SLC9A9: variants seen among roughly 807,000 people sequenced by gnomAD.
The protein encoded by SLC9A9 is solute carrier family 9 member A9.
A neutral mutation model predicts 77.8 loss-of-function variants in SLC9A9; 62 were observed. That is an observed-to-expected ratio of 0.80 (90% CI 0.65 to 0.98). The LOEUF (loss-of-function observed/expected upper bound fraction) is 0.98. Ranked by LOEUF, SLC9A9 falls within the 50% of genes least tolerant of loss-of-function variation. The probability of loss-of-function intolerance (pLI) is 0.00; values close to 1 mark genes in which losing one functional copy is unlikely to be tolerated. For synonymous variants in SLC9A9, 320 were observed against 283.5 expected, an observed-to-expected ratio of 1.13 and a Z score of -1.29; for missense variants, 775 against 774.9, an observed-to-expected ratio of 1.00 and a Z score of 0.00.
intron 6 of SLC9A9, among the ~76,000 whole-genome samples, chr3:143,597,202 G>T (rs1001886681): frequency 2.6e-5 from 4 of 152,200 alleles, no homozygotes; most frequent in Non-Finnish European, 4.4e-5. Context: ...GCCTGTTCGT[G>T]TAAGTTCATG....
At chr3:143,396,640 G>C (rs1239883204) in intron 12 of SLC9A9, among the ~76,000 whole-genome samples, 1 of 152,150 alleles carries the variant, frequency 6.6e-6, no homozygotes, top group Admixed American at 6.5e-5. Context: ...CTAGCCCCTA[G>C]AAAATGCTTA....
intron 14 of SLC9A9, among the ~76,000 whole-genome samples, chr3:143,298,303 GCC>G (rs2030367096): frequency 6.6e-6 from 1 of 152,190 alleles, no homozygotes; most frequent in Non-Finnish European, 1.5e-5. Flanking sequence ...CTGCAACCTA[GCC>G]CATGTAGAAC....
At chr3:143,768,205 C>A (rs114913143) in intron 4 of SLC9A9, among the ~76,000 whole-genome samples, 1 of 151,928 alleles carries the variant, frequency 6.6e-6, no homozygotes, top group Non-Finnish European at 1.5e-5. Flanking sequence ...TTATTCTCAG[C>A]GAGGGGGAAA....
intron 12 of SLC9A9, among the ~76,000 whole-genome samples, chr3:143,404,555 C>T (rs1407030321): frequency 6.6e-6 from 1 of 152,158 alleles, no homozygotes; most frequent in Non-Finnish European, 1.5e-5. Flanking sequence ...TGTGCCCCCT[C>T]AAAAGCAGTT....
intron 5 of SLC9A9, among the ~76,000 whole-genome samples, chr3:143,690,610 G>A (rs551957650): frequency 9.9e-5 from 15 of 152,192 alleles, no homozygotes; most frequent in Non-Finnish European, 1.6e-4. Context: ...GCTCCCACTT[G>A]TCAAAAATGG....
At chr3:143,419,976 C>T (rs2034267729) in intron 12 of SLC9A9, among the ~76,000 whole-genome samples, 2 of 152,150 alleles carry the variant, frequency 1.3e-5, no homozygotes, top group Admixed American at 1.3e-4. Context: ...ATGCTGGGAA[C>T]TAAAAGTGAT....
chr3:143,454,154 G>C (rs1287149135), intron 12 of SLC9A9, among the ~76,000 whole-genome samples: 1 of 152,138 alleles, frequency 6.6e-6, no homozygotes, highest in African/African-American at 2.4e-5. Context: ...TAGGTATTCT[G>C]TTATAGCAGC....
At chr3:143,837,288 C>T (rs915904246) in intron 1 of SLC9A9, among the ~76,000 whole-genome samples, 1 of 152,176 alleles carries the variant, frequency 6.6e-6, no homozygotes, top group African/African-American at 2.4e-5. Context: ...TTGCACAATG[C>T]AGCAAGCACA....
rs116494034 is a variant in SLC9A9, at chr3:143,731,725, G to T, written c.534-38418C>A. 3.5e-3 allele frequency among the ~76,000 whole-genome samples: 527 copies of T among 152,296 alleles called. 5 individuals are homozygous for T. Among genetic ancestry groups the T allele is most frequent in the African/African-American group, 0.012 (497 of 41,554 alleles). On this transcript the variant is annotated intron_variant, in intron 4 of 15. Transcript: ENST00000316549. ...CCTGAAGGTCATTGCTTGTCCTTTT[G>T]AATGTCTAAGGTGCAGTCACCCCTC...
chr3:143,357,719 C>G (rs918461392), intron 14 of SLC9A9, among the ~76,000 whole-genome samples: 1 of 152,126 alleles, frequency 6.6e-6, no homozygotes, highest in African/African-American at 2.4e-5. Flanking sequence ...TTGGATGTGC[C>G]TTTTTCCTCT....
intron 10 of SLC9A9, among the ~76,000 whole-genome samples, chr3:143,495,012 T>C (rs1277972747): frequency 2.0e-5 from 3 of 152,238 alleles, no homozygotes; most frequent in Non-Finnish European, 4.4e-5. Context: ...CTATAAAGAA[T>C]ACACAGACAT....
At chr3:143,741,560 G>A (rs966613514) in intron 4 of SLC9A9, among the ~76,000 whole-genome samples, 1 of 152,152 alleles carries the variant, frequency 6.6e-6, no homozygotes, top group Non-Finnish European at 1.5e-5. Flanking sequence ...CACTTTGTAA[G>A]TGTGGGTTAT....
chr3:143,561,472 G>A (rs2037083266), intron 8 of SLC9A9, among the ~76,000 whole-genome samples: 1 of 152,008 alleles, frequency 6.6e-6, no homozygotes, highest in Non-Finnish European at 1.5e-5. Flanking sequence ...TAGCCAAAAA[G>A]AATATATGAA....
chr3:143,478,939 A>G (rs1421397789), intron 11 of SLC9A9, among the ~76,000 whole-genome samples: 3 of 152,234 alleles, frequency 2.0e-5, no homozygotes, highest in African/African-American at 7.2e-5. Flanking sequence ...GATACTTGTG[A>G]TATCTGTGAC....
rs114756678 is a variant in SLC9A9 at position 143,405,282 on chromosome 3, C to A, written c.1470-23168G>T. 5.1e-3 allele frequency among the ~76,000 whole-genome samples: 783 copies of A among 152,276 alleles called. 7 individuals carry two copies. The highest frequency in any genetic ancestry group is 0.018 in the African/African-American group (741 of 41,548). On this transcript the variant is annotated intron_variant, in intron 12 of 15. Transcript: ENST00000316549. ...AAAAACCTGAAGGCATAAGTTCCTC[C>A]CTGCTCCATTCCAAGTCAACTCTCT...
intron 14 of SLC9A9, among the ~76,000 whole-genome samples, chr3:143,284,103 G>C (rs1938307052): frequency 1.3e-5 from 2 of 151,266 alleles, no homozygotes; most frequent in Admixed American, 1.3e-4. Flanking sequence ...GGCAGGAGCT[G>C]TCCTGCTTGC....
At chr3:143,775,997 G>C (rs556162972) in intron 4 of SLC9A9, among the ~76,000 whole-genome samples, 2 of 152,294 alleles carry the variant, frequency 1.3e-5, no homozygotes, top group Admixed American at 1.3e-4. Flanking sequence ...TTACCAATTT[G>C]TTCTGTGCTA....
At chr3:143,348,227 C>A (rs2032351550) in intron 14 of SLC9A9, among the ~76,000 whole-genome samples, 1 of 152,080 alleles carries the variant, frequency 6.6e-6, no homozygotes, top group Admixed American at 6.5e-5. Context: ...TTGATCTCGA[C>A]CTTGTGATCC....
intron 4 of SLC9A9, among the ~76,000 whole-genome samples, chr3:143,704,211 C>T (rs1933889358): frequency 6.6e-6 from 1 of 152,180 alleles, no homozygotes; most frequent in Non-Finnish European, 1.5e-5. Context: ...GGAATACTTT[C>T]ACATTCATAT....
Sources: allele counts gnomAD v4.1 joint callset (sites outside exome capture counted in the v4.1 genomes callset), GRCh38; gene constraint gnomAD v4.1.1; transcripts MANE v1.5; gene names NCBI Gene and HGNC (gene_info 2026-07-23, HGNC 2026-07-21).